CEPT1: variants seen among roughly 807,000 people sequenced by gnomAD.
CEPT1 encodes the protein choline/ethanolamine phosphotransferase 1.
A neutral mutation model predicts 42.6 loss-of-function variants in CEPT1; 7 were observed. That is an observed-to-expected ratio of 0.16 (90% CI 0.09 to 0.31). The LOEUF (loss-of-function observed/expected upper bound fraction) is 0.31, where lower values mean the gene tolerates loss of function less well. CEPT1 is among the 10% of genes least tolerant of loss of function. The pLI is 1.00. For missense variants in CEPT1, 306 were observed against 502.1 expected (o/e 0.61, Z 3.73); for synonymous variants, 171 against 171.9 (o/e 0.99, Z 0.04).
intron 4 of CEPT1, among the ~76,000 whole-genome samples, chr1:111,170,520 G>C (rs1656365857): frequency 2.0e-5 from 3 of 152,104 alleles, no homozygotes; most frequent in Admixed American, 2.0e-4. Flanking sequence ...TTAATACTAA[G>C]ATTACCATGT....
At chr1:111,154,571 A>C (rs1422048805) in intron 2 of CEPT1, among the ~76,000 whole-genome samples, 1 of 152,184 alleles carries the variant, frequency 6.6e-6, no homozygotes, top group Non-Finnish European at 1.5e-5. Flanking sequence ...TCTAGTTCTT[A>C]GAGGAAAAGC....
intron 1 of CEPT1, among the ~76,000 whole-genome samples, chr1:111,145,221 G>T (rs1007741942): frequency 6.6e-6 from 1 of 152,046 alleles, no homozygotes; most frequent in African/African-American, 2.4e-5. Context: ...TCACCGTGTT[G>T]GCCAGGCTGG....
At chr1:111,179,502 G>T (rs1455093368) in intron 5 of CEPT1, 1 of 152,218 alleles carries the variant, frequency 6.6e-6, no homozygotes, top group East Asian at 1.9e-4. Context: ...GATTGGGAAA[G>T]ACAGAATGTG....
chr1:111,145,811 G>T (rs547103094), intron 1 of CEPT1, among the ~76,000 whole-genome samples: 15 of 152,314 alleles, frequency 9.8e-5, no homozygotes, highest in African/African-American at 3.6e-4. Context: ...TGGCTTCACT[G>T]CATTCCAGCG....
rs1395665444 is a variant in CEPT1, at chr1:111,147,622, T to A, written c.-73-20T>A. 9.8e-6 allele frequency: 8 copies of A among 814,128 alleles called. No homozygotes were observed. Among genetic ancestry groups the A allele is most frequent in the Admixed American group, 6.5e-5 (2 of 30,942 alleles). 50.4% of individuals were successfully genotyped at this position (814,128 alleles called of 1,614,324 possible). A position where few individuals can be genotyped will look rare whatever the true frequency, so the allele number is the denominator to read the frequency against. ...GCCAACAAGTGTATTTTTTAATTTTTATTTTATTTTATTTTTTAGGTAAGC... is the reference window on the plus strand; with the variant it reads ...GCCAACAAGTGTATTTTTTAATTTTAATTTTATTTTATTTTTTAGGTAAGC... On this transcript the variant is annotated intron_variant, in intron 1 of 8. Coordinates refer to ENST00000357172, the MANE Select transcript of CEPT1 (RefSeq NM_006090.5).
intron 1 of CEPT1, among the ~76,000 whole-genome samples, chr1:111,142,708 G>A (rs1387050339): frequency 6.6e-6 from 1 of 152,136 alleles, no homozygotes; most frequent in Non-Finnish European, 1.5e-5. Flanking sequence ...GCTAAGTATG[G>A]TATGAGCTTG....
intron 4 of CEPT1, among the ~76,000 whole-genome samples, chr1:111,164,063 A>G (rs1044968317): frequency 2.6e-5 from 4 of 152,204 alleles, no homozygotes; most frequent in African/African-American, 9.6e-5. Flanking sequence ...AATGTTTGCC[A>G]GATAAGAATT....
Position 111,161,191 on chromosome 1 carries a change from T to TG in CEPT1, c.528dup (p.Thr177AspfsTer4). 6.2e-7 allele frequency: 1 copy of TG among 1,614,140 alleles called. No individual in the cohort carries two copies. The highest frequency in any genetic ancestry group is 8.5e-7 in the Non-Finnish European group (1 of 1,179,986). On this transcript the variant is annotated frameshift_variant, in exon 4 of 9. Coordinates refer to ENST00000357172, the MANE Select transcript of CEPT1 (RefSeq NM_006090.5). LOFTEE classifies it high-confidence loss of function. ...CTTGGAACTTGTATTGCAGTGCAGC[T>TG]GGGGACAAACCCTGATTGGATGTTT... is the stretch of plus-strand genomic sequence containing the variant.
chr1:111,168,425 G>A (rs1172614582), intron 4 of CEPT1, among the ~76,000 whole-genome samples: 1 of 150,350 alleles, frequency 6.7e-6, no homozygotes, highest in Non-Finnish European at 1.5e-5. Context: ...AAAAAGAATT[G>A]TAAACATTTT....
intron 2 of CEPT1, among the ~76,000 whole-genome samples, chr1:111,156,691 G>A (rs1469717796): frequency 6.6e-6 from 1 of 152,212 alleles, no homozygotes; most frequent in East Asian, 1.9e-4. Flanking sequence ...ACTTAATTTA[G>A]ATGGTCTGTC....
intron 1 of CEPT1, chr1:111,143,641 G>A (rs900608100): frequency 6.6e-6 from 1 of 151,192 alleles, no homozygotes; most frequent in African/African-American, 2.4e-5. Context: ...TTTGTTACTT[G>A]TACTGTGGTA....
chr1:111,169,581 T>C (rs1656318756), intron 4 of CEPT1, among the ~76,000 whole-genome samples: 1 of 152,236 alleles, frequency 6.6e-6, no homozygotes, highest in South Asian at 2.1e-4. Flanking sequence ...CTTTGTTTTC[T>C]CTGTATATAC....
intron 2 of CEPT1, among the ~76,000 whole-genome samples, chr1:111,158,953 G>C (rs866188479): frequency 9.0e-6 from 1 of 110,794 alleles, no homozygotes; most frequent in Non-Finnish European, 1.7e-5. Flanking sequence ...TCGCTCTGTC[G>C]CCCAGGCTGG....
intron 2 of CEPT1, among the ~76,000 whole-genome samples, chr1:111,157,088 T>C (rs1020353890): frequency 1.9e-4 from 29 of 152,318 alleles, no homozygotes; most frequent in Non-Finnish European, 4.4e-5. Context: ...CATCTTAAAA[T>C]ACCTCTGAGA....
chr1:111,183,334 G>T, intron 7 of CEPT1, 128 bp from the exon 8 acceptor site: 1 of 1,078,104 alleles, frequency 9.3e-7, no homozygotes, highest in South Asian at 1.6e-5. Context: ...TGGGTTTTTA[G>T]TTTTGGGAAT....
At chr1:111,178,619 CTT>C (rs1366278754) in intron 5 of CEPT1, 3 of 151,730 alleles carry the variant, frequency 2.0e-5, no homozygotes, top group African/African-American at 7.3e-5. Flanking sequence ...TCATATCACT[CTT>C]TAAAAAAAAC....
At chr1:111,155,200 A>G (rs1655495412) in intron 2 of CEPT1, among the ~76,000 whole-genome samples, 1 of 152,100 alleles carries the variant, frequency 6.6e-6, no homozygotes, top group Non-Finnish European at 1.5e-5. Context: ...TTTTGGTTCA[A>G]TCTTTATAGG....
intron 2 of CEPT1, among the ~76,000 whole-genome samples, chr1:111,158,896 A>G (rs1448317974): frequency 1.4e-5 from 2 of 139,934 alleles, no homozygotes; most frequent in Non-Finnish European, 3.1e-5. Context: ...TAATTCTTTT[A>G]CAATTCTTTT....
chr1:111,152,619 CAT>C (rs1334973751), intron 2 of CEPT1, among the ~76,000 whole-genome samples: 6 of 152,060 alleles, frequency 3.9e-5, no homozygotes, highest in African/African-American at 9.7e-5. Context: ...TAAAGGCAAA[CAT>C]AGGAATAATA....
Sources: gnomAD v4.1 joint callset for allele counts (sites outside exome capture counted in the v4.1 genomes callset) on GRCh38, gnomAD v4.1.1 for gene constraint, MANE v1.5 for transcripts, NCBI Gene and HGNC (gene_info 2026-07-23, HGNC 2026-07-21) for gene names.